TCF23: variants seen among roughly 807,000 people sequenced by gnomAD.
TCF23 encodes class A basic helix-loop-helix protein 24.
TCF23 carries 7 observed loss-of-function variants against 13.0 expected under a neutral mutation model. That is an observed-to-expected ratio of 0.54 (90% confidence interval 0.31 to 1.01). TCF23 has a LOEUF of 1.01. Ranked by LOEUF, TCF23 falls within the 50% of genes least tolerant of loss-of-function variation. TCF23 has a pLI of 0.06. For synonymous variants in TCF23, 122 were observed against 119.5 expected, an observed-to-expected ratio of 1.02 and a Z score of -0.14; for missense variants, 257 against 289.8, an observed-to-expected ratio of 0.89 and a Z score of 0.82.
Position 27,150,389 on chromosome 2 carries a change from G to C in TCF23, c.465+24G>C, listed in dbSNP as rs533577901. On this transcript the variant is annotated intron_variant, in intron 2 of 2. Transcript: ENST00000296096. This position sits in a 1 kb window ranked among gnomAD's most constrained non-coding sequence, Gnocchi z 4.1. ...AGGTAAGTCACAAGCCCTGGGACTTGAGAGGCGGATCTTAATGCCCAGGGC... is the reference window on the plus strand; with the variant it reads ...AGGTAAGTCACAAGCCCTGGGACTTCAGAGGCGGATCTTAATGCCCAGGGC... The C allele has an allele frequency of 3.7e-6, 6 of 1,605,262 alleles. No individual in the cohort carries two copies. In the South Asian group the frequency reaches 6.6e-5, roughly 18 times the overall value.
intron 1 of TCF23, chr2:27,149,782 C>T (rs760206910): frequency 2.5e-5 from 16 of 633,986 alleles, no homozygotes; most frequent in Non-Finnish European, 4.5e-5. Context: ...TGAACTCCCC[C>T]TGGCCCCAGC....
rs1204987660 is a variant in TCF23 at position 27,156,072 on chromosome 2, C to T, written c.*3205C>T. The T allele has an allele frequency of 6.6e-6, 1 of 152,324 alleles. No individual in the cohort carries two copies. Among genetic ancestry groups the T allele is most frequent in the African/African-American group, 2.4e-5 (1 of 41,412 alleles). The allele number at this position is 152,324 out of a possible 1,614,324, so 9.4% of individuals were successfully genotyped here. Reference sequence around the variant, plus strand: ...GGTGTGGTGGCTGATGCCTGTAATCCCAGCACTTTGGGAGGCCGGGGTCGG... The same window carrying T: ...GGTGTGGTGGCTGATGCCTGTAATCTCAGCACTTTGGGAGGCCGGGGTCGG... On this transcript the variant is annotated 3_prime_UTR_variant, in exon 3 of 3. Transcript: ENST00000296096.
Position 27,149,061 on chromosome 2 carries a change from C to A in TCF23, c.-73C>A. 7.1e-7 allele frequency: 1 copy of A among 1,406,546 alleles called. No homozygotes were observed. The highest frequency in any genetic ancestry group is 9.7e-7 in the Non-Finnish European group (1 of 1,033,178). The allele number at this position is 1,406,546 out of a possible 1,614,324, so 87.1% of individuals were successfully genotyped here. ...TGCTGGCTGGATGACCAGCCACAGC[C>A]AGCTAGCTTGAGTCCAAGGCCTCCT... On this transcript the variant is annotated 5_prime_UTR_variant, in exon 1 of 3. Transcript: ENST00000296096.
At position 27,152,978 on chromosome 2, in the gene TCF23, G is replaced by A. The variant is rs1672783670; in HGVS notation, c.*111G>A. 1 of 1,527,842 alleles carries A rather than the reference G, an allele frequency of 6.5e-7. No individual in the cohort carries two copies. Among genetic ancestry groups the A allele is most frequent in the South Asian group, 1.3e-5 (1 of 76,664 alleles). 94.6% of individuals were successfully genotyped at this position (1,527,842 alleles called of 1,614,324 possible). ...GACTTGACTCAGACTCAGCTCCCAA[G>A]TTCCAGCATGCAGACCAAGAGAAGC... On this transcript the variant is annotated 3_prime_UTR_variant, in exon 3 of 3. Transcript: ENST00000296096.
chr2:27,151,089 A>G (rs1367483816), intron 2 of TCF23, among the ~76,000 whole-genome samples: 1 of 152,130 alleles, frequency 6.6e-6, no homozygotes, highest in East Asian at 1.9e-4. Flanking sequence ...CCATGCAAAA[A>G]CCAAATGAGG....
At chr2:27,149,964 C>A in intron 1 of TCF23, 159 bp from the exon 2 acceptor site, 1 of 1,247,138 alleles carries the variant, frequency 8.0e-7, no homozygotes, top group Non-Finnish European at 1.1e-6. Flanking sequence ...AGCTGTGAAA[C>A]GCGGCAGGGC....
chr2:27,150,508 CAGAG>C lies in TCF23; in HGVS notation c.465+144_465+147del. 4.9e-6 allele frequency: 7 copies of C among 1,432,278 alleles called. No homozygotes were observed. The highest frequency in any genetic ancestry group is 2.2e-5 in the Admixed American group (1 of 46,242). 88.7% of individuals were successfully genotyped at this position (1,432,278 alleles called of 1,614,324 possible). A position where few individuals can be genotyped will look rare whatever the true frequency, so the allele number is the denominator to read the frequency against. Reference sequence around the variant, plus strand: ...TCGGAGCCAATTTCTCCTGCTGTCTCAGAGGGAGAGGAGCCAAGGCTGACCCTTG... The same window carrying C: ...TCGGAGCCAATTTCTCCTGCTGTCTCGGAGAGGAGCCAAGGCTGACCCTTG... On this transcript the variant is annotated intron_variant, in intron 2 of 2. Transcript: ENST00000296096. The surrounding 1 kb of genome is among the most constrained non-coding windows in gnomAD (Gnocchi z 4.1).
At chr2:27,149,472 G>A in intron 1 of TCF23, 117 bp downstream of exon 1, 1 of 1,016,292 alleles carries the variant, frequency 9.8e-7, no homozygotes, top group South Asian at 1.6e-5. Context: ...CCAAGAGAGG[G>A]GACACTGGCC....
Position 27,150,183 on chromosome 2 carries a change from G to A in TCF23, c.283G>A (p.Ala95Thr). 6.2e-7 allele frequency: 1 copy of A among 1,612,236 alleles called. No individual in the cohort carries two copies. Among genetic ancestry groups the A allele is most frequent in the Non-Finnish European group, 8.5e-7 (1 of 1,179,896 alleles). Residue 95 changes from alanine to threonine, a missense_variant, in exon 2 of 3, where the codon GCC becomes ACC. Transcript: ENST00000296096. The surrounding 1 kb of genome is among the most constrained non-coding windows in gnomAD (Gnocchi z 4.1). ...ERSRVRTLRQAFLALQAALPA... is the reference protein window; with the variant it reads ...ERSRVRTLRQTFLALQAALPA... ...GAGCCGGGTCAGGACGCTGCGCCAG[G>A]CCTTCTTGGCCTTGCAGGCTGCTCT...
chr2:27,152,065 T>C (rs1273421059), intron 2 of TCF23, among the ~76,000 whole-genome samples: 1 of 152,164 alleles, frequency 6.6e-6, no homozygotes, highest in Non-Finnish European at 1.5e-5. Context: ...TGGGATGATA[T>C]AGTAGTTTCC....
At position 27,151,170 on chromosome 2, in the gene TCF23, G is replaced by T. The variant is rs115068729; in HGVS notation, c.465+805G>T. Among the ~76,000 whole-genome samples the T allele has an allele frequency of 2.3e-3, 352 of 152,290 alleles. 2 individuals are homozygous for T. The highest frequency in any genetic ancestry group is 8.0e-3 in the African/African-American group (334 of 41,550). The stretch of plus-strand genomic sequence containing the variant: ...CTGAAAGCGGTTTGAACTCAGGGGT[G>T]TCTGACTTCAGACCCTAAGCTCATA... On this transcript the variant is annotated intron_variant, in intron 2 of 2. Coordinates refer to ENST00000296096, the MANE Select transcript of TCF23 (RefSeq NM_175769.3).
At position 27,153,196 on chromosome 2, in the gene TCF23, C is replaced by T; in HGVS notation, c.*329C>T. 1 of 251,164 alleles carries T rather than the reference C, an allele frequency of 4.0e-6. No homozygotes were observed. The highest frequency in any genetic ancestry group is 7.0e-6 in the Non-Finnish European group (1 of 142,074). 15.6% of individuals were successfully genotyped at this position (251,164 alleles called of 1,614,324 possible). ...TTCTTCCCCTAAGGTTTCTACAAAC[C>T]CTCTGCAGATAGCAAAAAGGCAGGT... On this transcript the variant is annotated 3_prime_UTR_variant, in exon 3 of 3. Coordinates refer to ENST00000296096, the MANE Select transcript of TCF23 (RefSeq NM_175769.3).
At position 27,152,813 on chromosome 2, in the gene TCF23, G is replaced by A. The variant is rs759284344; in HGVS notation, c.591G>A (p.Glu197=). 1.2e-6 allele frequency: 2 copies of A among 1,614,158 alleles called. No individual in the cohort carries two copies. The highest frequency in any genetic ancestry group is 1.7e-6 in the Non-Finnish European group (2 of 1,180,026). Residue 197 remains glutamate (E), a synonymous_variant, in exon 3 of 3, where the codon GAG becomes GAA. Coordinates refer to ENST00000296096, the MANE Select transcript of TCF23 (RefSeq NM_175769.3). ...AGGTGGGGTCCCAAGTCCCTGGAGAGGCAGATGCTCTCCTTTCCACCACAC... is the reference window on the plus strand; with the variant it reads ...AGGTGGGGTCCCAAGTCCCTGGAGAAGCAGATGCTCTCCTTTCCACCACAC... The part of the protein sequence containing the change: ...DAEVGSQVPG[E]ADALLSTTPL...
Position 27,149,062 on chromosome 2 carries a change from A to C in TCF23, c.-72A>C. 1 of 1,398,266 alleles carries C rather than the reference A, an allele frequency of 7.2e-7. No homozygotes were observed. The highest frequency in any genetic ancestry group is 9.8e-7 in the Non-Finnish European group (1 of 1,025,200). The allele number at this position is 1,398,266 out of a possible 1,614,324, so 86.6% of individuals were successfully genotyped here. A position where few individuals can be genotyped will look rare whatever the true frequency, so the allele number is the denominator to read the frequency against. ...GCTGGCTGGATGACCAGCCACAGCC[A>C]GCTAGCTTGAGTCCAAGGCCTCCTC... On this transcript the variant is annotated 5_prime_UTR_variant, in exon 1 of 3. Transcript: ENST00000296096.
In TCF23 at chr2:27,152,785, C is replaced by T; in HGVS notation, c.563C>T (p.Ala188Val). 6.2e-7 allele frequency: 1 copy of T among 1,614,192 alleles called. No individual in the cohort carries two copies. The highest frequency in any genetic ancestry group is 8.5e-7 in the Non-Finnish European group (1 of 1,180,040). ...ASTPSQRTRD[A>V]EVGSQVPGEA... ...ACCCCCAGCCAAAGAACAAGAGATG[C>T]AGAGGTGGGGTCCCAAGTCCCTGGA... The change falls in exon 3 of 3, where the codon GCA (alanine) becomes GTA (valine). Residue 188 changes from alanine (A) to valine (V), a missense_variant. Coordinates refer to ENST00000296096, the MANE Select transcript of TCF23 (RefSeq NM_175769.3).
Position 27,154,385 on chromosome 2 carries a change from TATCATGA to T in TCF23, c.*1521_*1527del, listed in dbSNP as rs1439997118. The T allele has an allele frequency of 6.6e-6, 1 of 152,206 alleles. No homozygotes were observed. The highest frequency in any genetic ancestry group is 1.9e-4 in the East Asian group (1 of 5,190). The allele number at this position is 152,206 out of a possible 1,614,324, so 9.4% of individuals were successfully genotyped here. On this transcript the variant is annotated 3_prime_UTR_variant, in exon 3 of 3. Coordinates refer to ENST00000296096, the MANE Select transcript of TCF23 (RefSeq NM_175769.3). ...ATCCTTAGACACACACCATTGTTGT[TATCATGA>T]ATGTAAGTGAGCTCTGGGCAGGCTG...
intron 2 of TCF23, among the ~76,000 whole-genome samples, chr2:27,151,574 T>A (rs1265753926): frequency 6.6e-6 from 1 of 152,114 alleles, no homozygotes; most frequent in Non-Finnish European, 1.5e-5. Flanking sequence ...CCTCAGATGA[T>A]CCACCCACTA....
At position 27,153,083 on chromosome 2, in the gene TCF23, C is replaced by T; in HGVS notation, c.*216C>T. The stretch of plus-strand genomic sequence containing the variant: ...TCCTTGGTCCCCAGGAGGGGACTTC[C>T]CCATGGCTCTTCTGTGACAGCTACT... On this transcript the variant is annotated 3_prime_UTR_variant, in exon 3 of 3. Transcript: ENST00000296096. 1.8e-6 allele frequency: 2 copies of T among 1,133,056 alleles called. No individual in the cohort carries two copies. Among genetic ancestry groups the T allele is most frequent in the South Asian group, 5.1e-5 (2 of 39,460 alleles). 70.2% of individuals were successfully genotyped at this position (1,133,056 alleles called of 1,614,324 possible).
Position 27,153,108 on chromosome 2 carries a change from T to C in TCF23, c.*241T>C. 3 of 892,332 alleles carry C rather than the reference T, an allele frequency of 3.4e-6. No homozygotes were observed. Among genetic ancestry groups the C allele is most frequent in the Non-Finnish European group, 4.5e-6 (3 of 660,828 alleles). 55.3% of individuals were successfully genotyped at this position (892,332 alleles called of 1,614,324 possible). Reference sequence around the variant, plus strand: ...CCCATGGCTCTTCTGTGACAGCTACTGGGAAGTGGGAGAGAAAGAGGTATA... The same window carrying C: ...CCCATGGCTCTTCTGTGACAGCTACCGGGAAGTGGGAGAGAAAGAGGTATA... On this transcript the variant is annotated 3_prime_UTR_variant, in exon 3 of 3. Transcript: ENST00000296096.
Sources: allele counts gnomAD v4.1 joint callset (sites outside exome capture counted in the v4.1 genomes callset), GRCh38; gene constraint gnomAD v4.1.1; non-coding constraint Gnocchi (gnomAD v3.1); transcripts MANE v1.5; gene names NCBI Gene and HGNC (gene_info 2026-07-23, HGNC 2026-07-21).